MYO1D: variants seen among roughly 807,000 people sequenced by gnomAD.
MYO1D encodes the protein myosin ID, also known as unconventional myosin-Id.
MYO1D carries 83 observed loss-of-function variants against 122.0 expected under a neutral mutation model. The ratio of observed to expected loss-of-function variants is 0.68; its 90% CI spans 0.57 to 0.82. The LOEUF is 0.82. MYO1D is among the 40% of genes least tolerant of loss of function. The pLI is 0.00. For synonymous variants in MYO1D, 464 were observed against 446.9 expected (o/e 1.04, Z -0.48); for missense variants, 1,157 against 1,269.5 (o/e 0.91, Z 1.35).
intron 19 of MYO1D, among the ~76,000 whole-genome samples, chr17:32,650,964 T>C (rs374472342): frequency 5.9e-5 from 9 of 152,328 alleles, no homozygotes; most frequent in African/African-American, 1.9e-4. Context: ...ATGTCATATG[T>C]TGTGAATTTT....
At chr17:32,620,786 G>A (rs1031092538) in intron 20 of MYO1D, among the ~76,000 whole-genome samples, 10 of 152,148 alleles carry the variant, frequency 6.6e-5, no homozygotes, top group African/African-American at 2.4e-4. Context: ...TCCTGCAGTG[G>A]TTTCTGATGT....
At chr17:32,695,512 AACAGTC>A (rs1357569284) in intron 16 of MYO1D, among the ~76,000 whole-genome samples, 1 of 152,202 alleles carries the variant, frequency 6.6e-6, no homozygotes, top group African/African-American at 2.4e-5. Flanking sequence ...AGATCTATTT[AACAGTC>A]ACAAACTGAC....
At chr17:32,711,233 A>G (rs569123125) in intron 16 of MYO1D, among the ~76,000 whole-genome samples, 119 of 152,370 alleles carry the variant, frequency 7.8e-4, no homozygotes, top group African/African-American at 2.6e-3. Flanking sequence ...TGACAGGTAC[A>G]GCACCATCAA....
At chr17:32,700,803 G>A (rs542434791) in intron 16 of MYO1D, among the ~76,000 whole-genome samples, 36 of 152,020 alleles carry the variant, frequency 2.4e-4, no homozygotes, top group Middle Eastern at 6.8e-3. Flanking sequence ...AATTAGCCAG[G>A]TATGGTGGTG....
chr17:32,752,346 A>T (rs1283452608), intron 11 of MYO1D, among the ~76,000 whole-genome samples: 1 of 152,186 alleles, frequency 6.6e-6, no homozygotes, highest in Non-Finnish European at 1.5e-5. Flanking sequence ...CCTAGGAAAA[A>T]CTCTTCTGGA....
intron 21 of MYO1D, among the ~76,000 whole-genome samples, chr17:32,509,788 C>T (rs962914233): frequency 2.0e-5 from 3 of 151,996 alleles, no homozygotes; most frequent in African/African-American, 7.2e-5. Flanking sequence ...GGGGTTTCAC[C>T]ATGTTGGCCA....
intron 1 of MYO1D, among the ~76,000 whole-genome samples, chr17:32,875,888 TACTTTAATGTTTAAGTC>T (rs2091223825): frequency 6.6e-6 from 1 of 152,224 alleles, no homozygotes; most frequent in African/African-American, 2.4e-5. Context: ...AAATTCCACT[TACTTTAATGTTTAAGTC>T]AAACTACTTT....
chr17:32,844,370 A>ATATGTGTATATATACTATATATAATAT (rs1444711920), intron 1 of MYO1D, among the ~76,000 whole-genome samples: 1 of 141,806 alleles, frequency 7.1e-6, no homozygotes, highest in African/African-American at 2.8e-5. Flanking sequence ...TATTATATAT[A>ATATGTGTATATATACTATATATAATAT]GTATATATGT....
chr17:32,501,420 G>T (rs867905909), intron 21 of MYO1D, among the ~76,000 whole-genome samples: 3 of 152,222 alleles, frequency 2.0e-5, no homozygotes, highest in Non-Finnish European at 4.4e-5. Context: ...TCCCGAGGGG[G>T]TCCTGCCCAA....
chr17:32,753,402 AAT>A (rs1013359718), intron 11 of MYO1D, among the ~76,000 whole-genome samples: 7 of 152,210 alleles, frequency 4.6e-5, no homozygotes, highest in African/African-American at 1.7e-4. Context: ...AATAAAAATA[AAT>A]AAATAAACAA....
intron 21 of MYO1D, among the ~76,000 whole-genome samples, chr17:32,543,916 C>T (rs899765903): frequency 5.3e-5 from 8 of 152,120 alleles, no homozygotes; most frequent in Non-Finnish European, 1.0e-4. Flanking sequence ...CCTCAGCCTC[C>T]CTAGTAGCTG....
intron 21 of MYO1D, among the ~76,000 whole-genome samples, chr17:32,521,573 C>T (rs62062463): frequency 0.082 from 12,416 of 152,174 alleles, 632 homozygotes; most frequent in African/African-American, 0.13. Context: ...TAAAATGTTT[C>T]GGGAAAACAT....
intron 10 of MYO1D, among the ~76,000 whole-genome samples, chr17:32,758,738 G>A (rs1213465338): frequency 6.6e-6 from 1 of 152,168 alleles, no homozygotes; most frequent in Non-Finnish European, 1.5e-5. Context: ...GAATCACTAT[G>A]TTTAGAAGTT....
intron 20 of MYO1D, among the ~76,000 whole-genome samples, chr17:32,638,192 T>A (rs1741842947): frequency 6.6e-6 from 1 of 152,104 alleles, no homozygotes; most frequent in Admixed American, 6.5e-5. Context: ...CCCACGAAAT[T>A]TCGTATTTCA....
chr17:32,721,796 C>G (rs1044375489), intron 14 of MYO1D, among the ~76,000 whole-genome samples: 1 of 152,170 alleles, frequency 6.6e-6, no homozygotes. Context: ...ATCCTTCCCT[C>G]TGTGCCAATT....
At chr17:32,822,488 G>A (rs1468164225) in intron 1 of MYO1D, among the ~76,000 whole-genome samples, 10 of 145,914 alleles carry the variant, frequency 6.9e-5, no homozygotes, top group Non-Finnish European at 1.4e-4. Context: ...GGGGGCGCGC[G>A]TCCCCGGTCG....
chr17:32,577,736 TC>T (rs1422250222), intron 21 of MYO1D, among the ~76,000 whole-genome samples: 1 of 151,720 alleles, frequency 6.6e-6, no homozygotes, highest in Non-Finnish European at 1.5e-5. Context: ...GATACATATT[TC>T]TTTTTTTTTT....
chr17:32,611,587 T>G (rs370178079), intron 20 of MYO1D, among the ~76,000 whole-genome samples: 15 of 152,210 alleles, frequency 9.9e-5, no homozygotes, highest in Admixed American at 3.3e-4. Flanking sequence ...ACCAGTAACC[T>G]CGACACTTTG....
intron 14 of MYO1D, among the ~76,000 whole-genome samples, chr17:32,734,365 T>C (rs1247262522): frequency 6.6e-6 from 1 of 152,196 alleles, no homozygotes; most frequent in Non-Finnish European, 1.5e-5. Flanking sequence ...TTTTTGTTCA[T>C]AATTTTTTAA....
Sources: allele counts gnomAD v4.1 joint callset (sites outside exome capture counted in the v4.1 genomes callset), GRCh38; gene constraint gnomAD v4.1.1; transcripts MANE v1.5; gene names NCBI Gene and HGNC (gene_info 2026-07-23, HGNC 2026-07-21).